The following KCNJ3 variants were observed in gnomAD, a reference collection of about 807,000 sequenced individuals.
KCNJ3 encodes the protein potassium inwardly rectifying channel subfamily J member 3, also known as G protein-activated inward rectifier potassium channel 1.
Under a neutral mutation model 39.2 loss-of-function variants are expected in KCNJ3, and 4 were observed. The observed-to-expected ratio is 0.10, with a 90% confidence interval of 0.05 to 0.23. KCNJ3 has a LOEUF of 0.23. Among genes scored for constraint, KCNJ3 ranks in the 10% least tolerant of loss-of-function variants. The probability of loss-of-function intolerance (pLI) is 1.00; values close to 1 mark genes in which losing one functional copy is unlikely to be tolerated. For synonymous variants in KCNJ3, 230 were observed against 237.4 expected (o/e 0.97, Z 0.29); for missense variants, 276 against 634.9 (o/e 0.43, Z 6.08).
chr2:154,852,877 A>C (rs1348849505), intron 2 of KCNJ3, among the ~76,000 whole-genome samples: 6 of 152,076 alleles, frequency 3.9e-5, no homozygotes, highest in Non-Finnish European at 8.8e-5. Context: ...CGGATATCTG[A>C]TCATAGTCAG....
chr2:154,704,249 G>C (rs7596632), intron 1 of KCNJ3, among the ~76,000 whole-genome samples: 77,530 of 151,856 alleles, frequency 0.51, 20,287 homozygotes, highest in African/African-American at 0.6. Flanking sequence ...GGCATAAAGA[G>C]CCATAAATAA....
chr2:154,761,062 C>CTTTTTTTT (rs11375045), intron 2 of KCNJ3, among the ~76,000 whole-genome samples: 10 of 133,920 alleles, frequency 7.5e-5, no homozygotes, highest in East Asian at 2.2e-4. Context: ...TTAATTTTTT[C>CTTTTTTTT]TTTTTTTTTT....
chr2:154,762,786 C>G (rs1018341156), intron 2 of KCNJ3, among the ~76,000 whole-genome samples: 11 of 152,132 alleles, frequency 7.2e-5, no homozygotes, highest in Non-Finnish European at 1.5e-4. Context: ...GGATGTGAGA[C>G]TCTTTTAACT....
At chr2:154,826,761 CAT>C (rs77193034) in intron 2 of KCNJ3, among the ~76,000 whole-genome samples, 26,510 of 152,090 alleles carry the variant, frequency 0.17, 2,895 homozygotes, top group East Asian at 0.35. Context: ...TTTTGTTACA[CAT>C]GTTTAGATCA....
chr2:154,709,421 C>T (rs1685066858), intron 1 of KCNJ3, 182 bp from the exon 2 acceptor site: 8 of 612,342 alleles, frequency 1.3e-5, no homozygotes, highest in African/African-American at 5.6e-5. Flanking sequence ...ATGTATGTTC[C>T]GCATGAGCTA....
intron 2 of KCNJ3, among the ~76,000 whole-genome samples, chr2:154,767,969 G>C (rs1401120727): frequency 1.3e-5 from 2 of 152,182 alleles, no homozygotes; most frequent in African/African-American, 4.8e-5. Flanking sequence ...GTGTCTGTTG[G>C]CTGCATAAAT....
intron 2 of KCNJ3, among the ~76,000 whole-genome samples, chr2:154,843,572 A>G (rs1294182779): frequency 6.6e-6 from 1 of 151,988 alleles, no homozygotes; most frequent in Non-Finnish European, 1.5e-5. Context: ...TTTCAGGTAC[A>G]CCAATCAAAT....
chr2:154,791,238 C>T (rs966731895), intron 2 of KCNJ3, among the ~76,000 whole-genome samples: 6 of 149,394 alleles, frequency 4.0e-5, no homozygotes, highest in Admixed American at 1.3e-4. Context: ...TTCTGAAAGC[C>T]GTTAAACTGC....
Position 154,857,886 on chromosome 2 carries a change from C to CAAAAAAAAAAAAAAAAAAAAAAAAAAAA in KCNJ3, c.*2587_*2614dup. 4.8e-5 allele frequency: 2 copies of CAAAAAAAAAAAAAAAAAAAAAAAAAAAA among 41,966 alleles called. 1 individual carries two copies. The highest frequency in any genetic ancestry group is 8.2e-5 in the Non-Finnish European group (2 of 24,264). 2.6% of individuals were successfully genotyped at this position (41,966 alleles called of 1,614,324 possible). A position where few individuals can be genotyped will look rare whatever the true frequency, so the allele number is the denominator to read the frequency against. On this transcript the variant is annotated 3_prime_UTR_variant, in exon 3 of 3. Coordinates refer to ENST00000295101, the MANE Select transcript of KCNJ3 (RefSeq NM_002239.4). ...ACAGTGCGAGACTCCATCTCAACAT[C>CAAAAAAAAAAAAAAAAAAAAAAAAAAAA]AAAAAAAAAAAAAAAAAAAAAAAAA...
intron 2 of KCNJ3, among the ~76,000 whole-genome samples, chr2:154,777,055 C>A (rs1686349176): frequency 6.6e-6 from 1 of 151,888 alleles, no homozygotes. Flanking sequence ...CACACACACA[C>A]ACACACTCAT....
chr2:154,849,685 G>A (rs1687722132), intron 2 of KCNJ3, among the ~76,000 whole-genome samples: 1 of 152,150 alleles, frequency 6.6e-6, no homozygotes, highest in African/African-American at 2.4e-5. Flanking sequence ...TCCCCGGCTA[G>A]CAGAAACAAT....
At chr2:154,759,578 TATAG>T (rs917857560) in intron 2 of KCNJ3, among the ~76,000 whole-genome samples, 61 of 151,286 alleles carry the variant, frequency 4.0e-4, no homozygotes, top group African/African-American at 1.3e-3. Flanking sequence ...TATAGATATA[TATAG>T]ATAGATAGAG....
intron 2 of KCNJ3, among the ~76,000 whole-genome samples, chr2:154,825,208 T>C (rs1687248411): frequency 6.6e-6 from 1 of 152,182 alleles, no homozygotes; most frequent in Non-Finnish European, 1.5e-5. Context: ...GTGTTTTTCC[T>C]ACCTTTGGAA....
At chr2:154,816,072 T>A (rs1187543144) in intron 2 of KCNJ3, among the ~76,000 whole-genome samples, 1 of 152,224 alleles carries the variant, frequency 6.6e-6, no homozygotes, top group Non-Finnish European at 1.5e-5. Context: ...ATGAGGGTGT[T>A]GCTCTGCCTC....
At position 154,777,041 on chromosome 2, in the gene KCNJ3, C is replaced by T. The variant is rs181294666; in HGVS notation, c.919+67222C>T. 3.4e-3 allele frequency among the ~76,000 whole-genome samples: 448 copies of T among 130,450 alleles called. 1 individual carries two copies. The highest frequency in any genetic ancestry group is 0.011 in the African/African-American group (428 of 37,826). The allele number at this position is 130,450 out of a possible 152,430, so 85.6% of individuals were successfully genotyped here. Reference sequence around the variant, plus strand: ...TCCAACCAGTTTTCACACGTACACACGCACACACACACACACACACTCATT... The same window carrying T: ...TCCAACCAGTTTTCACACGTACACATGCACACACACACACACACACTCATT... On this transcript the variant is annotated intron_variant, in intron 2 of 2. Transcript: ENST00000295101.
At chr2:154,802,132 A>G (rs557030128) in intron 2 of KCNJ3, among the ~76,000 whole-genome samples, 1 of 152,028 alleles carries the variant, frequency 6.6e-6, no homozygotes, top group Non-Finnish European at 1.5e-5. Flanking sequence ...TATCTTTGGT[A>G]AAAGAACCTG....
intron 2 of KCNJ3, among the ~76,000 whole-genome samples, chr2:154,735,889 C>T (rs574787777): frequency 2.3e-4 from 35 of 152,236 alleles, no homozygotes; most frequent in African/African-American, 8.4e-4. Flanking sequence ...GAGTGACATG[C>T]CTTGCACTGT....
intron 2 of KCNJ3, among the ~76,000 whole-genome samples, chr2:154,835,335 ATTTT>A (rs1687436562): frequency 7.1e-6 from 1 of 140,168 alleles, no homozygotes; most frequent in Non-Finnish European, 1.6e-5. Flanking sequence ...ACAATAAATT[ATTTT>A]CTTTTTTTTG....
chr2:154,850,441 T>G (rs1687739916), intron 2 of KCNJ3, among the ~76,000 whole-genome samples: 1 of 152,204 alleles, frequency 6.6e-6, no homozygotes, highest in South Asian at 2.1e-4. Flanking sequence ...CATTTTATTT[T>G]TTCATCACCA....
Sources: allele counts gnomAD v4.1 joint callset (sites outside exome capture counted in the v4.1 genomes callset), GRCh38; gene constraint gnomAD v4.1.1; transcripts MANE v1.5; gene names NCBI Gene and HGNC (gene_info 2026-07-23, HGNC 2026-07-21).